The following CNTNAP5 variants were observed in gnomAD, a reference collection of about 807,000 sequenced individuals.
The protein encoded by CNTNAP5 is contactin associated protein family member 5.
In CNTNAP5, 72 loss-of-function variants were observed where a neutral mutation model predicts 150.2. The observed-to-expected ratio is 0.48, with a 90% CI of 0.40 to 0.58. The LOEUF is 0.58. CNTNAP5 is among the 20% of genes least tolerant of loss of function. The probability of loss-of-function intolerance (pLI) is 0.00; values close to 1 mark genes in which losing one functional copy is unlikely to be tolerated. For synonymous variants in CNTNAP5, 672 were observed against 619.8 expected (o/e 1.08, Z -1.25); for missense variants, 1,636 against 1,626.2 (o/e 1.01, Z -0.10).
At chr2:124,746,243 C>T (rs1680600431) in intron 13 of CNTNAP5, among the ~76,000 whole-genome samples, 1 of 152,174 alleles carries the variant, frequency 6.6e-6, no homozygotes, top group Admixed American at 6.5e-5. Context: ...CTTTCATCTG[C>T]CTGTCTTGTT....
chr2:124,844,445 C>T (rs188928328), intron 19 of CNTNAP5, among the ~76,000 whole-genome samples: 33 of 151,936 alleles, frequency 2.2e-4, no homozygotes, highest in East Asian at 1.9e-3. Flanking sequence ...TCAGGTAATG[C>T]GATGCCTCCA....
intron 1 of CNTNAP5, among the ~76,000 whole-genome samples, chr2:124,150,669 A>G (rs1684384650): frequency 6.6e-6 from 1 of 152,152 alleles, no homozygotes; most frequent in South Asian, 2.1e-4. Context: ...GAGAAAAAGA[A>G]AAAGAAAGAG....
At chr2:124,281,726 T>C (rs1394413655) in intron 3 of CNTNAP5, among the ~76,000 whole-genome samples, 1 of 152,110 alleles carries the variant, frequency 6.6e-6, no homozygotes, top group Admixed American at 6.6e-5. Context: ...TGCTTTTTTC[T>C]GCAGTGGTTT....
At chr2:124,569,447 G>A (rs1056133454) in intron 11 of CNTNAP5, among the ~76,000 whole-genome samples, 1 of 150,760 alleles carries the variant, frequency 6.6e-6, no homozygotes, top group African/African-American at 2.4e-5. Context: ...TGTATTATAG[G>A]AATAAGATTG....
intron 1 of CNTNAP5, among the ~76,000 whole-genome samples, chr2:124,035,755 A>T (rs1290338921): frequency 6.6e-6 from 1 of 152,122 alleles, no homozygotes; most frequent in Non-Finnish European, 1.5e-5. Context: ...CTTAACCCAT[A>T]GCAGAGGGCT....
At chr2:124,175,354 A>T (rs1685036270) in intron 1 of CNTNAP5, among the ~76,000 whole-genome samples, 1 of 152,190 alleles carries the variant, frequency 6.6e-6, no homozygotes, top group Non-Finnish European at 1.5e-5. Context: ...TGAATTAATT[A>T]ATTTATTTTT....
chr2:124,270,600 C>T (rs957597449), intron 3 of CNTNAP5, among the ~76,000 whole-genome samples: 4 of 152,126 alleles, frequency 2.6e-5, no homozygotes, highest in Non-Finnish European at 5.9e-5. Context: ...TTTTAAGGTT[C>T]TGTAAGTTTT....
At chr2:124,828,744 A>G (rs1399201246) in intron 19 of CNTNAP5, among the ~76,000 whole-genome samples, 1 of 99,894 alleles carries the variant, frequency 1.0e-5, no homozygotes, top group Non-Finnish European at 2.1e-5. Context: ...GCAAAAAAAA[A>G]AAAAAAAAAA....
At chr2:124,405,776 G>A (rs1265515452) in intron 3 of CNTNAP5, among the ~76,000 whole-genome samples, 1 of 152,206 alleles carries the variant, frequency 6.6e-6, no homozygotes, top group Admixed American at 6.5e-5. Context: ...GAATCGTGCT[G>A]TTTGCACTCT....
chr2:124,625,453 A>G (rs767150970), intron 12 of CNTNAP5, among the ~76,000 whole-genome samples: 1 of 152,248 alleles, frequency 6.6e-6, no homozygotes, highest in African/African-American at 2.4e-5. Flanking sequence ...CAGTATACAT[A>G]GTATAGTATA....
chr2:124,027,166 C>A (rs755342123), intron 1 of CNTNAP5, among the ~76,000 whole-genome samples: 13 of 152,164 alleles, frequency 8.5e-5, no homozygotes, highest in Non-Finnish European at 1.6e-4. Context: ...GAGTTTTTTT[C>A]TTTTACTTCT....
chr2:124,215,359 G>T (rs537451322), intron 1 of CNTNAP5, among the ~76,000 whole-genome samples: 5 of 152,098 alleles, frequency 3.3e-5, no homozygotes, highest in African/African-American at 1.2e-4. Context: ...AACAAAAAAT[G>T]TTACTCGAAG....
intron 3 of CNTNAP5, among the ~76,000 whole-genome samples, chr2:124,309,188 C>T (rs769174373): frequency 3.3e-5 from 5 of 152,178 alleles, no homozygotes; most frequent in Non-Finnish European, 7.3e-5. Context: ...TGTTCTCTCT[C>T]TCTTAAAACG....
chr2:124,097,794 C>T (rs1474189365), intron 1 of CNTNAP5, among the ~76,000 whole-genome samples: 4 of 152,232 alleles, frequency 2.6e-5, no homozygotes, highest in South Asian at 2.1e-4. Flanking sequence ...TTTGGGCGGC[C>T]GAGGCGGGAG....
chr2:124,620,016 A>C (rs889123337), intron 12 of CNTNAP5, among the ~76,000 whole-genome samples: 3 of 150,284 alleles, frequency 2.0e-5, no homozygotes, highest in Non-Finnish European at 4.4e-5. Flanking sequence ...TGGGTGTCTC[A>C]AGATGGGTTT....
intron 1 of CNTNAP5, among the ~76,000 whole-genome samples, chr2:124,136,679 T>C (rs1481777227): frequency 1.3e-5 from 2 of 152,180 alleles, no homozygotes; most frequent in Non-Finnish European, 2.9e-5. Context: ...TCAAAAATCA[T>C]AAATAGAACC....
intron 21 of CNTNAP5, among the ~76,000 whole-genome samples, chr2:124,870,037 T>G (rs933937641): frequency 3.9e-5 from 6 of 152,098 alleles, no homozygotes; most frequent in African/African-American, 1.4e-4. Context: ...TCAAATATAT[T>G]TTTAAGTTTT....
intron 13 of CNTNAP5, among the ~76,000 whole-genome samples, chr2:124,713,254 T>C: frequency 1.8e-5 from 2 of 113,360 alleles, no homozygotes; most frequent in East Asian, 3.1e-4. Context: ...TCTTTCTTTC[T>C]TTCTTTCTTT....
chr2:124,542,144 G>A (rs1182704669), intron 10 of CNTNAP5, among the ~76,000 whole-genome samples: 1 of 151,684 alleles, frequency 6.6e-6, no homozygotes, highest in East Asian at 1.9e-4. Flanking sequence ...AGCACATGAT[G>A]GAGCCTGAGG....
Sources: allele counts gnomAD v4.1 joint callset (sites outside exome capture counted in the v4.1 genomes callset), GRCh38; gene constraint gnomAD v4.1.1; transcripts MANE v1.5; gene names NCBI Gene and HGNC (gene_info 2026-07-23, HGNC 2026-07-21).